ATP2C2: variants seen among roughly 807,000 people sequenced by gnomAD.
ATP2C2 encodes calcium-transporting ATPase type 2C member 2.
Under a neutral mutation model 110.8 loss-of-function variants are expected in ATP2C2, and 171 were observed. The observed-to-expected ratio is 1.54, with a 90% CI of 1.36 to 1.75. The LOEUF (loss-of-function observed/expected upper bound fraction) is 1.75. ATP2C2 is among the 40% of genes most tolerant of loss of function. The pLI, the probability that ATP2C2 is intolerant of heterozygous loss-of-function variation, is 0.00. For synonymous variants in ATP2C2, 804 were observed against 508.4 expected (o/e 1.58, Z -7.82); for missense variants, 1,963 against 1,235.0 (o/e 1.59, Z -8.84).
At chr16:84,460,306 C>T (rs922385032) in intron 23 of ATP2C2, 68 of 355,156 alleles carry the variant, frequency 1.9e-4, no homozygotes, top group East Asian at 1.3e-3. Flanking sequence ...AGGGGCTCTG[C>T]GGAGGGCGGA....
At chr16:84,388,441 C>T (rs1345902243) in intron 1 of ATP2C2, among the ~76,000 whole-genome samples, 2 of 152,198 alleles carry the variant, frequency 1.3e-5, no homozygotes, top group Non-Finnish European at 1.5e-5. Flanking sequence ...AGGTAGTAGG[C>T]CCAGGGTAGG....
chr16:84,406,676 G>C (rs1905797783), intron 3 of ATP2C2: 3 of 983,070 alleles, frequency 3.1e-6, no homozygotes, highest in Non-Finnish European at 3.6e-6. Flanking sequence ...GGCTAGCCCA[G>C]AAGCTTCCTA....
intron 7 of ATP2C2, among the ~76,000 whole-genome samples, chr16:84,418,977 G>C (rs1907078112): frequency 6.6e-6 from 1 of 152,088 alleles, no homozygotes; most frequent in Non-Finnish European, 1.5e-5. Context: ...GGGAGGCTGA[G>C]GTGGGTGGAT....
At chr16:84,450,019 C>T (rs1055949459) in intron 17 of ATP2C2, among the ~76,000 whole-genome samples, 1 of 152,244 alleles carries the variant, frequency 6.6e-6, no homozygotes, top group African/African-American at 2.4e-5. Flanking sequence ...CTAGTGCAGC[C>T]AGCGCCTTCG....
At chr16:84,451,722 C>A (rs1910282898) in intron 17 of ATP2C2, among the ~76,000 whole-genome samples, 199 bp from the exon 18 acceptor site, 1 of 152,176 alleles carries the variant, frequency 6.6e-6, no homozygotes, top group Non-Finnish European at 1.5e-5. Context: ...CCCGTAATCC[C>A]AGCTACTCAA....
At chr16:84,410,537 G>T in intron 4 of ATP2C2, 31 bp from the exon 5 acceptor site, 4 of 1,612,386 alleles carry the variant, frequency 2.5e-6, no homozygotes, top group Non-Finnish European at 3.4e-6. Context: ...TGAGCCTCTG[G>T]TACTGACACC....
intron 4 of ATP2C2, among the ~76,000 whole-genome samples, 165 bp downstream of exon 4, chr16:84,408,659 A>G (rs979932586): frequency 6.6e-6 from 1 of 152,084 alleles, no homozygotes; most frequent in African/African-American, 2.4e-5. Flanking sequence ...TTACCCTAAT[A>G]TCAAGGTGCC....
chr16:84,426,853 CCTT>C (rs1470754949), intron 11 of ATP2C2, among the ~76,000 whole-genome samples: 6 of 152,174 alleles, frequency 3.9e-5, no homozygotes, highest in African/African-American at 7.2e-5. Context: ...GGGGACCCGC[CCTT>C]CTTCTACGTA....
At chr16:84,447,508 C>T (rs1909857962) in intron 16 of ATP2C2, among the ~76,000 whole-genome samples, 1 of 151,602 alleles carries the variant, frequency 6.6e-6, no homozygotes, top group African/African-American at 2.4e-5. Flanking sequence ...CAAACGACAA[C>T]ATCTGGATGG....
At chr16:84,453,449 C>G in intron 20 of ATP2C2, 78 bp downstream of exon 20, 2 of 1,577,786 alleles carry the variant, frequency 1.3e-6, no homozygotes, top group Non-Finnish European at 1.7e-6. Context: ...GCTCATGCGT[C>G]CGTCGGGTGA....
At chr16:84,459,658 C>A in intron 23 of ATP2C2, 1 of 1,373,418 alleles carries the variant, frequency 7.3e-7, no homozygotes, top group Non-Finnish European at 9.9e-7. Context: ...ATGGCTCATT[C>A]TCATGCTTCA....
intron 20 of ATP2C2, among the ~76,000 whole-genome samples, chr16:84,454,566 C>G (rs1349485789): frequency 2.0e-5 from 3 of 152,292 alleles, no homozygotes; most frequent in South Asian, 2.1e-4. Context: ...CCGTCACATC[C>G]GTCATCTCAG....
At chr16:84,463,526 A>C in intron 26 of ATP2C2, 88 bp from the exon 27 acceptor site, 1 of 1,109,586 alleles carries the variant, frequency 9.0e-7, no homozygotes, top group Non-Finnish European at 1.4e-6. Flanking sequence ...CTCTCACTTT[A>C]TCAGGAGGAC....
chr16:84,401,115 G>T (rs894582482), intron 2 of ATP2C2, among the ~76,000 whole-genome samples: 1 of 151,754 alleles, frequency 6.6e-6, no homozygotes, highest in Non-Finnish European at 1.5e-5. Flanking sequence ...GCCTGTGCTT[G>T]TAGTATATTA....
chr16:84,459,457 C>G, intron 23 of ATP2C2, 71 bp downstream of exon 23: 1 of 1,603,070 alleles, frequency 6.2e-7, no homozygotes, highest in Non-Finnish European at 8.5e-7. Context: ...GGGCTGCTGG[C>G]TGTGCCCCAA....
intron 2 of ATP2C2, among the ~76,000 whole-genome samples, chr16:84,402,116 G>T (rs4782953): frequency 0.41 from 61,911 of 151,574 alleles, 12,978 homozygotes; most frequent in South Asian, 0.6. Flanking sequence ...GATTTCTTTT[G>T]CAGATTGCTT....
chr16:84,441,904 T>C (rs1448557580), intron 14 of ATP2C2, among the ~76,000 whole-genome samples: 1 of 151,884 alleles, frequency 6.6e-6, no homozygotes, highest in East Asian at 1.9e-4. Flanking sequence ...CCCTGGGTAA[T>C]AGAATGAGAC....
chr16:84,413,385 C>T (rs764831847), intron 6 of ATP2C2, among the ~76,000 whole-genome samples: 13 of 151,912 alleles, frequency 8.6e-5, no homozygotes, highest in Non-Finnish European at 1.8e-4. Context: ...TGACGAAGGA[C>T]CAAATAGGGA....
rs2150594601 is a variant in ATP2C2, at chr16:84,459,200, C to T, written c.2216+12C>T. 6.2e-7 allele frequency: 1 copy of T among 1,614,242 alleles called. No individual in the cohort carries two copies. Among genetic ancestry groups the T allele is most frequent in the Non-Finnish European group, 8.5e-7 (1 of 1,180,046 alleles). Reference sequence around the variant, plus strand: ...TTCCAGCTGAGCACGTAAGTAGAGGCCAGCATTCCGAGTGTCATTAAGCAC... The same window carrying T: ...TTCCAGCTGAGCACGTAAGTAGAGGTCAGCATTCCGAGTGTCATTAAGCAC... On this transcript the variant is annotated intron_variant, in intron 22 of 26. Coordinates refer to ENST00000262429, the MANE Select transcript of ATP2C2 (RefSeq NM_014861.4).
Sources: allele counts gnomAD v4.1 joint callset (sites outside exome capture counted in the v4.1 genomes callset), GRCh38; gene constraint gnomAD v4.1.1; transcripts MANE v1.5; gene names NCBI Gene and HGNC (gene_info 2026-07-23, HGNC 2026-07-21).